Variants in CAST observed in about 807,000 individuals in gnomAD.
CAST encodes the protein calpastatin.
A neutral mutation model predicts 119.6 loss-of-function variants in CAST; 76 were observed. The observed-to-expected ratio is 0.64, with a 90% confidence interval of 0.53 to 0.77. CAST has a LOEUF of 0.77. Ranked by LOEUF, CAST falls within the 30% of genes least tolerant of loss-of-function variation. The pLI is 0.00. For missense variants in CAST, 953 were observed against 946.5 expected (o/e 1.01, Z -0.09); for synonymous variants, 319 against 331.6 (o/e 0.96, Z 0.41).
the CAST span, among the ~76,000 whole-genome samples, chr5:96,074,010 A>G: frequency 1.3e-5 from 2 of 152,168 alleles, no homozygotes; most frequent in Non-Finnish European, 2.9e-5. Flanking sequence ...TCCCGGCTGC[A>G]TGACCCAAGC....
intron 1 of CAST, among the ~76,000 whole-genome samples, chr5:96,623,503 G>A (rs542678377): frequency 1.3e-5 from 2 of 152,220 alleles, no homozygotes; most frequent in South Asian, 4.2e-4. Flanking sequence ...TTTTCAGAAG[G>A]GGAGAGTGAA....
chr5:96,477,065 A>AAC, the CAST span, among the ~76,000 whole-genome samples: 11,686 of 136,418 alleles, frequency 0.086, 546 homozygotes, highest in African/African-American at 0.12. Flanking sequence ...AATGTGCCAA[A>AAC]ACACACACAC....
the CAST span, among the ~76,000 whole-genome samples, chr5:96,326,695 A>ATTTTTTTTTTTTTTTTTTTTTTTTTTTTT: frequency 1.0e-5 from 1 of 95,736 alleles, no homozygotes. Flanking sequence ...ATGGCTTTTC[A>ATTTTTTTTTTTTTTTTTTTTTTTTTTTTT]TTTTTTTTTT....
the CAST span, among the ~76,000 whole-genome samples, chr5:96,298,839 T>A: frequency 6.6e-6 from 1 of 151,470 alleles, no homozygotes; most frequent in Admixed American, 6.6e-5. Context: ...GGGAGAAGAT[T>A]TATGAAAAAT....
intron 1 of CAST, among the ~76,000 whole-genome samples, chr5:96,652,643 A>G (rs72772069): frequency 1.3e-5 from 2 of 152,322 alleles, no homozygotes; most frequent in Non-Finnish European, 2.9e-5. Flanking sequence ...TAACCCACTC[A>G]GGGAGTAAGA....
intron 1 of CAST, among the ~76,000 whole-genome samples, chr5:96,540,928 A>G (rs261976): frequency 0.96 from 146,196 of 152,236 alleles, 70,526 homozygotes; most frequent in East Asian, 1. Context: ...AAGATTGATC[A>G]CTGATGATGT....
chr5:96,202,116 G>A, the CAST span, among the ~76,000 whole-genome samples: 4 of 152,012 alleles, frequency 2.6e-5, no homozygotes, highest in South Asian at 8.3e-4. Context: ...AAATGCTGGT[G>A]CTTTTATGAA....
chr5:96,631,063 C>A (rs764217104), intron 1 of CAST: 2 of 140,618 alleles, frequency 1.4e-5, no homozygotes, highest in African/African-American at 5.0e-5. Flanking sequence ...TTCACAGGAG[C>A]CTTCCTTTCT....
chr5:96,108,401 T>C, the CAST span, among the ~76,000 whole-genome samples: 1 of 152,196 alleles, frequency 6.6e-6, no homozygotes. Context: ...GATGGGTTTT[T>C]GGTGTGGATG....
chr5:96,044,702 T>G, the CAST span, among the ~76,000 whole-genome samples: 2 of 152,160 alleles, frequency 1.3e-5, no homozygotes, highest in Non-Finnish European at 2.9e-5. Flanking sequence ...AACTGGGAAC[T>G]ACTTACCCAA....
intron 3 of CAST, among the ~76,000 whole-genome samples, chr5:96,699,282 C>T (rs146025586): frequency 2.0e-5 from 3 of 152,292 alleles, no homozygotes; most frequent in East Asian, 3.9e-4. Flanking sequence ...AACCGAGGTT[C>T]AAATTGCATT....
intron 1 of CAST, among the ~76,000 whole-genome samples, chr5:96,628,288 G>T (rs759302555): frequency 6.6e-6 from 1 of 152,188 alleles, no homozygotes; most frequent in Non-Finnish European, 1.5e-5. Flanking sequence ...AAAATGTTTG[G>T]TATTCAAAAG....
chr5:96,472,108 A>C, the CAST span, among the ~76,000 whole-genome samples: 1 of 152,084 alleles, frequency 6.6e-6, no homozygotes, highest in Non-Finnish European at 1.5e-5. Flanking sequence ...CACTCAGCCC[A>C]ACTCCTCTAA....
chr5:96,256,592 A>T, the CAST span, among the ~76,000 whole-genome samples: 1 of 150,584 alleles, frequency 6.6e-6, no homozygotes. Flanking sequence ...TGAATACTGT[A>T]GGCAGTTATA....
intron 1 of CAST, among the ~76,000 whole-genome samples, chr5:96,551,906 C>A (rs189126050): frequency 6.2e-4 from 95 of 152,042 alleles, no homozygotes; most frequent in African/African-American, 2.2e-3. Context: ...AGGAGCACCG[C>A]GATTCATAAA....
At chr5:96,666,015 C>A (rs755637277) in intron 1 of CAST, among the ~76,000 whole-genome samples, 1 of 152,148 alleles carries the variant, frequency 6.6e-6, no homozygotes, top group Non-Finnish European at 1.5e-5. Flanking sequence ...CAGAATACTT[C>A]AGGTAAATCC....
intron 17 of CAST, among the ~76,000 whole-genome samples, chr5:96,746,761 A>G (rs372625280): frequency 1.1e-4 from 17 of 152,342 alleles, no homozygotes; most frequent in African/African-American, 3.8e-4. Context: ...TAAAAGCACC[A>G]TAGGTCTTCT....
At chr5:96,276,474 G>A in the CAST span, among the ~76,000 whole-genome samples, 1 of 152,114 alleles carries the variant, frequency 6.6e-6, no homozygotes, top group Non-Finnish European at 1.5e-5. Flanking sequence ...GGGGCAAAAT[G>A]TTATTACCTT....
At chr5:96,487,247 G>A in the CAST span, among the ~76,000 whole-genome samples, 1,366 of 152,240 alleles carry the variant, frequency 9.0e-3, 17 homozygotes, top group African/African-American at 0.032. Flanking sequence ...ACAGAGCCAC[G>A]GCCTATTCTG....
Sources: allele counts gnomAD v4.1 joint callset (sites outside exome capture counted in the v4.1 genomes callset), GRCh38; gene constraint gnomAD v4.1.1; transcripts MANE v1.5; gene names NCBI Gene and HGNC (gene_info 2026-07-23, HGNC 2026-07-21).